ZNF814: variants seen among roughly 807,000 people sequenced by gnomAD.
ZNF814 encodes zinc finger protein 814.
In ZNF814, 5 loss-of-function variants were observed where a neutral mutation model predicts 7.5. The ratio of observed to expected loss-of-function variants is 0.67; its 90% confidence interval spans 0.35 to 1.40. The LOEUF (loss-of-function observed/expected upper bound fraction) is 1.40. Among genes scored for constraint, ZNF814 ranks in the 40% most tolerant of loss-of-function variants. The probability of loss-of-function intolerance (pLI) is 0.04; values close to 1 mark genes in which losing one functional copy is unlikely to be tolerated. For synonymous variants in ZNF814, 315 were observed against 340.7 expected, an observed-to-expected ratio of 0.92 and a Z score of 0.83; for missense variants, 962 against 1,018.0, an observed-to-expected ratio of 0.94 and a Z score of 0.75.
rs764913903 is a variant in ZNF814, at chr19:57,875,270, G to A, written c.164-44C>T. On this transcript the variant is annotated intron_variant, in intron 2 of 2. Coordinates refer to ENST00000435989, the MANE Select transcript of ZNF814 (RefSeq NM_001144989.2). Reference sequence around the variant, plus strand: ...TGGTGAAGTGCATGTTAACTCTGGTGGGAAGGCACAGACCACCCACAAGTG... The same window carrying A: ...TGGTGAAGTGCATGTTAACTCTGGTAGGAAGGCACAGACCACCCACAAGTG... The A allele has an allele frequency of 6.5e-6, 10 of 1,544,070 alleles. No homozygotes were observed. The South Asian group carries it at 1.1e-4, about 17-fold the overall frequency.
upstream of ZNF814, among the ~76,000 whole-genome samples, chr19:57,893,170 ATTTTTTTTTT>A (rs760411389): frequency 8.0e-6 from 1 of 125,248 alleles, no homozygotes; most frequent in East Asian, 2.3e-4. Flanking sequence ...TTTGTTATTG[ATTTTTTTTTT>A]TTTTTTTTTT....
At chr19:57,901,647 G>A in the ZNF814 span, 6 of 398,602 alleles carry the variant, frequency 1.5e-5, no homozygotes, top group Non-Finnish European at 2.7e-5. Flanking sequence ...AAAAGACCAA[G>A]AATACTCACC....
At chr19:57,883,545 C>T (rs1025941174) in intron 1 of ZNF814, among the ~76,000 whole-genome samples, 2 of 151,354 alleles carry the variant, frequency 1.3e-5, no homozygotes, top group Non-Finnish European at 2.9e-5. Context: ...CCTGTAGTCC[C>T]ACCTACTCGG....
rs891183785 is a variant in ZNF814 at position 57,869,926 on chromosome 19, CAGTG to C, written c.*2892_*2895del. 3.2e-5 allele frequency: 4 copies of C among 124,154 alleles called. No individual in the cohort carries two copies. The highest frequency in any genetic ancestry group is 1.4e-4 in the African/African-American group (4 of 28,662). 7.7% of individuals were successfully genotyped at this position (124,154 alleles called of 1,614,324 possible). On this transcript the variant is annotated 3_prime_UTR_variant, in exon 3 of 3. Coordinates refer to ENST00000435989, the MANE Select transcript of ZNF814 (RefSeq NM_001144989.2). ...TGCCACTGCACTCCAGCCTGGCTGA[CAGTG>C]AGACTCTGTCTCAAAAAAAAAAAAA...
chr19:57,872,123 G>C lies in ZNF814; in HGVS notation c.*699C>G, dbSNP rs1322271697. 1.3e-5 allele frequency among the ~76,000 whole-genome samples: 2 copies of C among 152,084 alleles called. No homozygotes were observed. Among genetic ancestry groups the C allele is most frequent in the African/African-American group, 4.8e-5 (2 of 41,418 alleles). On this transcript the variant is annotated 3_prime_UTR_variant, in exon 3 of 3. Coordinates refer to ENST00000435989, the MANE Select transcript of ZNF814 (RefSeq NM_001144989.2). ...CCTGTCTCAAAAAAAATCTAGCAAG[G>C]TACCTGGGTATAGTGAAAAATGCAC...
Position 57,875,337 on chromosome 19 carries a change from G to T in ZNF814, c.164-111C>A, listed in dbSNP as rs878866032. 4.1e-5 allele frequency: 66 copies of T among 1,607,302 alleles called. 1 individual carries two copies. The South Asian group carries it at 6.9e-4, about 17-fold the overall frequency. On this transcript the variant is annotated intron_variant, in intron 2 of 2. Coordinates refer to ENST00000435989, the MANE Select transcript of ZNF814 (RefSeq NM_001144989.2). ...GAATTACTCCAAGGAACTACTTGGA[G>T]GAACAGGATGTTGGCTTCAGGCGGA... is the stretch of plus-strand genomic sequence containing the variant.
chr19:57,894,945 T>C, the ZNF814 span, among the ~76,000 whole-genome samples: 1 of 152,194 alleles, frequency 6.6e-6, no homozygotes, highest in Non-Finnish European at 1.5e-5. Flanking sequence ...ATGCTTTTTG[T>C]TCCCAATGTT....
chr19:57,885,903 T>C (rs1476508834), intron 1 of ZNF814: 5 of 147,428 alleles, frequency 3.4e-5, no homozygotes, highest in African/African-American at 7.5e-5. Context: ...ATATCTCCTG[T>C]AGGCGGAGGT....
upstream of ZNF814, among the ~76,000 whole-genome samples, chr19:57,893,170 A>ATT (rs760411389): frequency 2.6e-3 from 327 of 125,184 alleles, 3 homozygotes; most frequent in African/African-American, 7.1e-3. Flanking sequence ...TTTGTTATTG[A>ATT]TTTTTTTTTT....
rs924833289 is a variant in ZNF814 at position 57,888,995 on chromosome 19, C to T, written c.-193G>A. ...CAGTCACCACAGTGCGGACCTAGCG[C>T]TCAGGAGCCTCTCCTACAAATAAAT... On this transcript the variant is annotated 5_prime_UTR_variant, in exon 1 of 3. Coordinates refer to ENST00000435989, the MANE Select transcript of ZNF814 (RefSeq NM_001144989.2). 3.4e-6 allele frequency: 2 copies of T among 595,046 alleles called. No homozygotes were observed. The highest frequency in any genetic ancestry group is 2.2e-5 in the South Asian group (1 of 45,116). The allele number at this position is 595,046 out of a possible 1,614,324, so 36.9% of individuals were successfully genotyped here.
chr19:57,878,355 T>C (rs2071624605), intron 1 of ZNF814, among the ~76,000 whole-genome samples: 1 of 151,882 alleles, frequency 6.6e-6, no homozygotes, highest in Non-Finnish European at 1.5e-5. Flanking sequence ...TTGACTTATT[T>C]GAATAACTCT....
chr19:57,875,359 C>A, intron 2 of ZNF814, 133 bp from the exon 3 acceptor site: 1 of 1,577,030 alleles, frequency 6.3e-7, no homozygotes, highest in Admixed American at 1.8e-5. Flanking sequence ...TGGCTTCAGG[C>A]GGAAGATGGT....
chr19:57,882,738 C>T (rs1395584762), intron 1 of ZNF814, among the ~76,000 whole-genome samples: 1 of 148,374 alleles, frequency 6.7e-6, no homozygotes, highest in South Asian at 2.1e-4. Context: ...CAGCTTAGAT[C>T]ACAACACCCG....
chr19:57,901,860 A>G, the ZNF814 span: 1 of 397,296 alleles, frequency 2.5e-6, no homozygotes, highest in Non-Finnish European at 4.4e-6. Context: ...TCCTTTAATT[A>G]GGTCTGTGAG....
chr19:57,870,390 A>G lies in ZNF814; in HGVS notation c.*2432T>C, dbSNP rs1246499338. ...AAGTGGGAAAACTAGCCTCCACGGT[A>G]GCAAATATTGATGTGGCACTAAGGC... On this transcript the variant is annotated 3_prime_UTR_variant, in exon 3 of 3. Transcript: ENST00000435989. The G allele has an allele frequency of 6.6e-6, 1 of 152,212 alleles. No individual in the cohort carries two copies. Among genetic ancestry groups the G allele is most frequent in the Non-Finnish European group, 1.5e-5 (1 of 68,038 alleles). The allele number at this position is 152,212 out of a possible 1,614,324, so 9.4% of individuals were successfully genotyped here. A position where few individuals can be genotyped will look rare whatever the true frequency, so the allele number is the denominator to read the frequency against.
At chr19:57,896,486 G>A in the ZNF814 span, among the ~76,000 whole-genome samples, 3 of 152,296 alleles carry the variant, frequency 2.0e-5, no homozygotes, top group Admixed American at 1.3e-4. This position sits in a 1 kb window ranked among gnomAD's most constrained non-coding sequence, Gnocchi z 4.2. Context: ...CATAATGGGC[G>A]AGAAAATGAA....
chr19:57,886,441 T>C (rs1205425348), intron 1 of ZNF814, among the ~76,000 whole-genome samples: 1 of 152,188 alleles, frequency 6.6e-6, no homozygotes, highest in Non-Finnish European at 1.5e-5. Flanking sequence ...TTGATTGGCC[T>C]TCGGAAAACC....
Position 57,875,132 on chromosome 19 carries a change from C to G in ZNF814, c.258G>C (p.Val86=), listed in dbSNP as rs753500477. The part of the protein sequence containing the change: ...ETQVRTPMAG[V]SPKKAHPCEM... ...CACAGGGGTGGGCCTTCTTGGGAGA[C>G]ACACCTGCCATAGGAGTCCTGACCT... Residue 86 remains valine, a synonymous_variant, in exon 3 of 3, where the codon GTG becomes GTC. Transcript: ENST00000435989. 17 of 1,560,580 alleles carry G rather than the reference C, an allele frequency of 1.1e-5. No homozygotes were observed. Among genetic ancestry groups the G allele is most frequent in the Non-Finnish European group, 1.1e-5 (13 of 1,150,730 alleles).
rs905948232 is a variant in ZNF814 at position 57,870,471 on chromosome 19, G to C, written c.*2351C>G. The stretch of plus-strand genomic sequence containing the variant: ...CACAAAGGCCACATCACTGAACTGA[G>C]ATCTCCCTTCTCCCTATCATCTTCC... On this transcript the variant is annotated 3_prime_UTR_variant, in exon 3 of 3. Coordinates refer to ENST00000435989, the MANE Select transcript of ZNF814 (RefSeq NM_001144989.2). The C allele has an allele frequency of 6.6e-6, 1 of 152,092 alleles. No homozygotes were observed. Among genetic ancestry groups the C allele is most frequent in the Non-Finnish European group, 1.5e-5 (1 of 68,040 alleles). 9.4% of individuals were successfully genotyped at this position (152,092 alleles called of 1,614,324 possible).
Sources: gnomAD v4.1 joint callset for allele counts (sites outside exome capture counted in the v4.1 genomes callset) on GRCh38, gnomAD v4.1.1 for gene constraint, Gnocchi (gnomAD v3.1) non-coding constraint, MANE v1.5 for transcripts, NCBI Gene and HGNC (gene_info 2026-07-23, HGNC 2026-07-21) for gene names.